Variants in ALG12 observed in about 807,000 individuals in gnomAD.
The protein encoded by ALG12 is ALG12 alpha-1,6-mannosyltransferase, also known as dol-P-Man:Man(7)GlcNAc(2)-PP-Dol alpha-1,6-mannosyltransferase.
Under a neutral mutation model 46.0 loss-of-function variants are expected in ALG12, and 36 were observed. The ratio of observed to expected loss-of-function variants is 0.78; its 90% CI spans 0.60 to 1.03. ALG12 has a LOEUF of 1.03. Among genes scored for constraint, ALG12 ranks in the 50% least tolerant of loss-of-function variants. The probability of loss-of-function intolerance (pLI) is 0.00; values close to 1 mark genes in which losing one functional copy is unlikely to be tolerated. For missense variants in ALG12, 599 were observed against 633.5 expected, an observed-to-expected ratio of 0.95 and a Z score of 0.58; for synonymous variants, 326 against 291.6, an observed-to-expected ratio of 1.12 and a Z score of -1.20.
chr22:49,897,895 GTGATCT>G (rs2060489975), downstream of ALG12, among the ~76,000 whole-genome samples: 2 of 151,914 alleles, frequency 1.3e-5, no homozygotes, highest in Non-Finnish European at 2.9e-5. Flanking sequence ...TCCTGACCTC[GTGATCT>G]GCCCGTCTTG....
At chr22:49,897,296 G>A (rs76051717), downstream of ALG12, among the ~76,000 whole-genome samples, 8,770 of 152,228 alleles carry the variant, frequency 0.058, 631 homozygotes, top group East Asian at 0.27. Flanking sequence ...ATCCTTGTAC[G>A]AGCTTTTGTG....
intron 7 of ALG12, 75 bp from the exon 8 acceptor site, chr22:49,904,581 G>A (rs529548803): frequency 6.8e-5 from 104 of 1,540,198 alleles, no homozygotes; most frequent in Admixed American, 2.9e-4. Flanking sequence ...AAACATACTA[G>A]GAGCATAACC....
At chr22:49,895,294 A>G (rs1016731261), downstream of ALG12, among the ~76,000 whole-genome samples, 4 of 152,164 alleles carry the variant, frequency 2.6e-5, no homozygotes, top group African/African-American at 7.2e-5. Context: ...GTTTCTCGTT[A>G]GGGTCCTTTG....
chr22:49,895,665 A>T (rs993486828), downstream of ALG12, among the ~76,000 whole-genome samples: 15 of 152,130 alleles, frequency 9.9e-5, no homozygotes, highest in African/African-American at 3.6e-4. Context: ...AATAAAAAAA[A>T]AAAAAAAGTG....
Position 49,902,169 on chromosome 22 carries a change from GCA to G in ALG12, c.*1667_*1668del, listed in dbSNP as rs146292081. 2.0e-3 allele frequency: 283 copies of G among 143,150 alleles called. 10 individuals are homozygous for G. The highest frequency in any genetic ancestry group is 7.5e-3 in the African/African-American group (269 of 35,862). The allele number at this position is 143,150 out of a possible 1,614,324, so 8.9% of individuals were successfully genotyped here. On this transcript the variant is annotated 3_prime_UTR_variant, in exon 10 of 10. Coordinates refer to ENST00000330817, the MANE Select transcript of ALG12 (RefSeq NM_024105.4). ...GTGTATGCATGGTGTGTGCACGTGT[GCA>G]CTGTGTGTGGTGTGTATGCATGGTG...
At chr22:49,899,524 C>A (rs1211586119), downstream of ALG12, among the ~76,000 whole-genome samples, 1 of 151,864 alleles carries the variant, frequency 6.6e-6, no homozygotes, top group Non-Finnish European at 1.5e-5. Context: ...ACCACTCACC[C>A]CTCAGACTGG....
the ALG12 span, chr22:49,885,301 A>G: frequency 6.3e-7 from 1 of 1,592,442 alleles, no homozygotes; most frequent in East Asian, 2.2e-5. Flanking sequence ...AGTGGTCACA[A>G]AAAACAATCA....
chr22:49,874,898 G>T, the ALG12 span, among the ~76,000 whole-genome samples: 1 of 151,610 alleles, frequency 6.6e-6, no homozygotes. Context: ...GGCCAGGCTG[G>T]TCTTGAATGC....
At chr22:49,916,002 G>C (rs1295457846) in intron 1 of ALG12, among the ~76,000 whole-genome samples, 2 of 152,178 alleles carry the variant, frequency 1.3e-5, no homozygotes. Flanking sequence ...GCTCATTCCT[G>C]TAATCCCAGC....
chr22:49,867,217 T>G, the ALG12 span, among the ~76,000 whole-genome samples: 1 of 152,230 alleles, frequency 6.6e-6, no homozygotes, highest in Non-Finnish European at 1.5e-5. Flanking sequence ...CCCAGATTTC[T>G]TTCTTTTGCT....
At chr22:49,884,172 T>A in the ALG12 span, 1 of 1,612,368 alleles carries the variant, frequency 6.2e-7, no homozygotes, top group Non-Finnish European at 8.5e-7. Context: ...CCGTGCTCAT[T>A]CAGGAAAATG....
chr22:49,903,079 GTGCTTTATAAA>G lies in ALG12; in HGVS notation c.*748_*758del. 2.9e-6 allele frequency: 1 copy of G among 350,766 alleles called. No individual in the cohort carries two copies. The allele number at this position is 350,766 out of a possible 1,614,324, so 21.7% of individuals were successfully genotyped here. On this transcript the variant is annotated 3_prime_UTR_variant, in exon 10 of 10. Coordinates refer to ENST00000330817, the MANE Select transcript of ALG12 (RefSeq NM_024105.4). The stretch of plus-strand genomic sequence containing the variant: ...GCCCAGCAGCATCACACGCACTTTG[GTGCTTTATAAA>G]TGCATGGTCAGTGAGGCTGACAGCA...
chr22:49,899,444 C>T (rs1410085892), downstream of ALG12, among the ~76,000 whole-genome samples: 2 of 151,372 alleles, frequency 1.3e-5, no homozygotes, highest in African/African-American at 4.9e-5. Flanking sequence ...CACCACTGCA[C>T]TCCAGCCTGG....
intron 3 of ALG12, among the ~76,000 whole-genome samples, chr22:49,910,851 G>A (rs532726629): frequency 6.6e-6 from 1 of 152,354 alleles, no homozygotes; most frequent in South Asian, 2.1e-4. Flanking sequence ...GCTGCTCTCT[G>A]AAGCATGAGG....
chr22:49,903,560 ACAGTCACCCG>A lies in ALG12; in HGVS notation c.*268_*277del, dbSNP rs746162070. ...TCATGAATGGCACCTGGTCTGGGCG[ACAGTCACCCG>A]CAGGAAGCCCTGAGCTGGCCACCAT... On this transcript the variant is annotated 3_prime_UTR_variant, in exon 10 of 10. Transcript: ENST00000330817. 1.7e-5 allele frequency: 11 copies of A among 630,024 alleles called. No individual in the cohort carries two copies. The highest frequency in any genetic ancestry group is 3.0e-5 in the Non-Finnish European group (10 of 338,486). 39.0% of individuals were successfully genotyped at this position (630,024 alleles called of 1,614,324 possible). A position where few individuals can be genotyped will look rare whatever the true frequency, so the allele number is the denominator to read the frequency against.
At chr22:49,865,535 TGTG>T in the ALG12 span, among the ~76,000 whole-genome samples, 275 of 151,172 alleles carry the variant, frequency 1.8e-3, 3 homozygotes, top group African/African-American at 5.9e-3. Context: ...AAAATACAGG[TGTG>T]GTGGCAGGCA....
chr22:49,868,025 A>G, the ALG12 span, among the ~76,000 whole-genome samples: 5 of 152,344 alleles, frequency 3.3e-5, no homozygotes, highest in East Asian at 7.7e-4. Context: ...TACAGTTTGT[A>G]CTGAATGCCA....
chr22:49,907,919 T>TAGA lies in ALG12; in HGVS notation c.791_793dup (p.Phe264dup), dbSNP rs1468124411. 1.9e-6 allele frequency: 3 copies of TAGA among 1,612,662 alleles called. No homozygotes were observed. Among genetic ancestry groups the TAGA allele is most frequent in the Non-Finnish European group, 2.5e-6 (3 of 1,179,838 alleles). On this transcript the variant is annotated inframe_insertion, in exon 7 of 10. Transcript: ENST00000330817. ...GCCCAGGCCGCGGGGCAGGGCTGAG[T>TAGA]AGAAGTACCACAGCAGCGGGGAGGT...
rs917678863 is a variant in ALG12, at chr22:49,901,861, GTGGTGT to G, written c.*1971_*1976del. The G allele has an allele frequency of 2.8e-5, 4 of 143,668 alleles. No individual in the cohort carries two copies. The highest frequency in any genetic ancestry group is 1.1e-4 in the African/African-American group (4 of 37,638). The allele number at this position is 143,668 out of a possible 1,614,324, so 8.9% of individuals were successfully genotyped here. A position where few individuals can be genotyped will look rare whatever the true frequency, so the allele number is the denominator to read the frequency against. ...TGGTGTGTGCACGTGTGCACTGTGT[GTGGTGT>G]GTATTCATGGTGTGTGCACGTGTGC... On this transcript the variant is annotated 3_prime_UTR_variant, in exon 10 of 10. Coordinates refer to ENST00000330817, the MANE Select transcript of ALG12 (RefSeq NM_024105.4).
Sources: allele counts gnomAD v4.1 joint callset (sites outside exome capture counted in the v4.1 genomes callset), GRCh38; gene constraint gnomAD v4.1.1; transcripts MANE v1.5; gene names NCBI Gene and HGNC (gene_info 2026-07-23, HGNC 2026-07-21).